TUBB8: variants seen among roughly 807,000 people sequenced by gnomAD.
TUBB8 encodes the protein tubulin beta 8 class VIII.
In TUBB8, 25 loss-of-function variants were observed where a neutral mutation model predicts 33.7. The observed-to-expected ratio is 0.74, with a 90% CI of 0.54 to 1.04. TUBB8 has a LOEUF of 1.04. Among genes scored for constraint, TUBB8 ranks in the 50% least tolerant of loss-of-function variants. TUBB8 has a pLI of 0.00. For missense variants in TUBB8, 279 were observed against 608.0 expected (o/e 0.46, Z 5.69); for synonymous variants, 245 against 240.1 (o/e 1.02, Z -0.19).
At chr10:75,872 C>T (rs1834806514), upstream of TUBB8, among the ~76,000 whole-genome samples, 2 of 152,100 alleles carry the variant, frequency 1.3e-5, no homozygotes, top group East Asian at 3.9e-4. Flanking sequence ...GGCGAGATGG[C>T]TCATGCCTGT....
intron 1 of TUBB8, among the ~76,000 whole-genome samples, chr10:68,291 C>T (rs1834696639): frequency 6.6e-6 from 1 of 152,220 alleles, no homozygotes; most frequent in African/African-American, 2.4e-5. Flanking sequence ...ACTGATATGA[C>T]ACCTGTAAGG....
chr10:61,666 T>C (rs1254111019), intron 1 of TUBB8, among the ~76,000 whole-genome samples: 1 of 152,240 alleles, frequency 6.6e-6, no homozygotes, highest in Non-Finnish European at 1.5e-5. Context: ...ATTTTCTGTC[T>C]GGAAGGTCTA....
upstream of TUBB8, among the ~76,000 whole-genome samples, chr10:52,189 G>A (rs1834476763): frequency 6.6e-6 from 1 of 152,154 alleles, no homozygotes; most frequent in African/African-American, 2.4e-5. Context: ...TTATACCCTA[G>A]GGCCTCTCAC....
intron 1 of TUBB8, among the ~76,000 whole-genome samples, chr10:71,208 G>T (rs782057426): frequency 1.3e-4 from 19 of 151,120 alleles, no homozygotes; most frequent in Non-Finnish European, 2.2e-4. Flanking sequence ...CCAGCTACTT[G>T]GGAGGCTGAG....
chr10:72,675 A>T (rs1834753293), intron 1 of TUBB8, among the ~76,000 whole-genome samples: 1 of 152,010 alleles, frequency 6.6e-6, no homozygotes, highest in Non-Finnish European at 1.5e-5. Context: ...AGATGGTGAA[A>T]CCCCATCTCT....
intron 1 of TUBB8, among the ~76,000 whole-genome samples, chr10:66,046 GCCCAGTGCTTTACTCCTAAGATCAGGA>G (rs1834666606): frequency 3.3e-5 from 5 of 152,154 alleles, no homozygotes. Flanking sequence ...CATTGTCAGG[GCCCAGTGCTTTACTCCTAAGATCAGGA>G]CCAAGGCACC....
upstream of TUBB8, among the ~76,000 whole-genome samples, chr10:52,178 A>G (rs1172650139): frequency 2.0e-5 from 3 of 152,212 alleles, no homozygotes; most frequent in Non-Finnish European, 2.9e-5. Flanking sequence ...TCACCCTAAT[A>G]TTATACCCTA....
upstream of TUBB8, among the ~76,000 whole-genome samples, chr10:75,896 T>C (rs1554743147): frequency 6.6e-6 from 1 of 151,766 alleles, no homozygotes; most frequent in African/African-American, 2.4e-5. Flanking sequence ...CCCAACACTT[T>C]GGGAGGCTAA....
intron 3 of TUBB8, 183 bp from the exon 4 acceptor site, chr10:48,297 G>A: frequency 1.4e-6 from 1 of 740,528 alleles, no homozygotes. Flanking sequence ...TAGGAATTAA[G>A]ACAGGAGTCA....
intron 1 of TUBB8, among the ~76,000 whole-genome samples, chr10:63,654 A>C (rs1302048573): frequency 4.6e-5 from 7 of 152,086 alleles, no homozygotes; most frequent in Non-Finnish European, 1.5e-5. Context: ...TTTAAATCTT[A>C]TCTTTAAATT....
chr10:67,009 T>C (rs1317565783), intron 1 of TUBB8, among the ~76,000 whole-genome samples: 2 of 152,180 alleles, frequency 1.3e-5, no homozygotes, highest in African/African-American at 2.4e-5. Context: ...CATAGAAATA[T>C]GGGTTTATTT....
At chr10:74,557 G>A (rs1284314938), upstream of TUBB8, among the ~76,000 whole-genome samples, 1 of 149,102 alleles carries the variant, frequency 6.7e-6, no homozygotes, top group African/African-American at 2.4e-5. Context: ...AACCCGGGAG[G>A]TGGAGGTTGC....
At chr10:48,525 C>T (rs781937736) in intron 3 of TUBB8, 90 bp downstream of exon 3, 3 of 1,291,592 alleles carry the variant, frequency 2.3e-6, no homozygotes, top group South Asian at 1.2e-5. Flanking sequence ...GCCCTAGCTC[C>T]ACAGTTCCCA....
chr10:53,282 C>A (rs534552279), upstream of TUBB8, among the ~76,000 whole-genome samples: 671 of 152,226 alleles, frequency 4.4e-3, 5 homozygotes, highest in African/African-American at 0.016. Flanking sequence ...CATGAATCAC[C>A]ACACCCAGCT....
Position 48,846 on chromosome 10 carries a change from G to A in TUBB8, c.124C>T (p.Leu42=), listed in dbSNP as rs536693166. 2 of 1,600,242 alleles carry A rather than the reference G, an allele frequency of 1.2e-6. No homozygotes were observed. The highest frequency in any genetic ancestry group is 1.7e-5 in the Admixed American group (1 of 57,422). Residue 42 remains leucine, a synonymous_variant, in exon 2 of 4, where the codon CTG becomes TTG. Coordinates refer to ENST00000568584, the MANE Select transcript of TUBB8 (RefSeq NM_177987.3). ...SAGTYHGDSH[L]QLERINVYYN... ...TACACGTTGATGCGCTCCAGCTGCA[G>A]GTGGCTGTCCCCGTGGTAGGTGCCA...
intron 1 of TUBB8, among the ~76,000 whole-genome samples, chr10:65,925 T>C (rs1316738761): frequency 6.6e-6 from 1 of 152,254 alleles, no homozygotes; most frequent in South Asian, 2.1e-4. Context: ...CTAATTTCAA[T>C]AGATGCAGGA....
At chr10:66,791 G>A (rs1230256884) in intron 1 of TUBB8, among the ~76,000 whole-genome samples, 1 of 152,172 alleles carries the variant, frequency 6.6e-6, no homozygotes, top group Non-Finnish European at 1.5e-5. Flanking sequence ...GGGCAGGACA[G>A]CAAGACCCTA....
rs373690105 is a variant in TUBB8, at chr10:47,277, G to A, written c.1115C>T (p.Thr372Met). 10 of 1,613,814 alleles carry A rather than the reference G, an allele frequency of 6.2e-6. No individual in the cohort carries two copies. Among genetic ancestry groups the A allele is most frequent in the East Asian group, 2.2e-5 (1 of 44,884 alleles). ...ACGCTTGAAGAGTTCCTGGATGGCC[G>A]TATTATTCCCAATGAAGGTGGCTGA... ...KMSATFIGNNTAIQELFKRVS... is the reference protein window; with the variant it reads ...KMSATFIGNNMAIQELFKRVS... Residue 372 changes from threonine to methionine, a missense_variant, in exon 4 of 4, where the codon ACG becomes ATG. Around this residue, in one of 4 missense-constraint regions of TUBB8, gnomAD observed 123 missense variants for 228.9 expected, o/e 0.54. Transcript: ENST00000568584.
At chr10:57,300 G>A (rs1380658176) in intron 1 of TUBB8, among the ~76,000 whole-genome samples, 1 of 152,210 alleles carries the variant, frequency 6.6e-6, no homozygotes, top group Non-Finnish European at 1.5e-5. Flanking sequence ...CCATTCTGGG[G>A]TCTGGAGGAC....
Sources: gnomAD v4.1 joint callset for allele counts (sites outside exome capture counted in the v4.1 genomes callset) on GRCh38, gnomAD v4.1.1 for gene constraint, gnomAD v4.1.1 regional missense constraint, MANE v1.5 for transcripts, NCBI Gene and HGNC (gene_info 2026-07-23, HGNC 2026-07-21) for gene names.